The following MAPK4 variants were observed in gnomAD, a reference collection of about 807,000 sequenced individuals.
MAPK4 encodes Erk3-related.
In MAPK4, 22 loss-of-function variants were observed where a neutral mutation model predicts 47.7. The ratio of observed to expected loss-of-function variants is 0.46; its 90% confidence interval spans 0.33 to 0.66. The LOEUF is 0.66. MAPK4 is among the 30% of genes least tolerant of loss of function. The pLI is 0.02. For synonymous variants in MAPK4, 390 were observed against 365.7 expected (o/e 1.07, Z -0.76); for missense variants, 736 against 831.7 (o/e 0.88, Z 1.42).
At chr18:50,726,825 A>G (rs1911227451) in intron 5 of MAPK4, among the ~76,000 whole-genome samples, 1 of 151,412 alleles carries the variant, frequency 6.6e-6, no homozygotes, top group Non-Finnish European at 1.5e-5. Context: ...CCTTGAGCCC[A>G]GAAGTTTGAG....
chr18:50,571,752 A>G (rs117845501), intron 1 of MAPK4, among the ~76,000 whole-genome samples: 5,216 of 152,314 alleles, frequency 0.034, 120 homozygotes, highest in Non-Finnish European at 0.055. Context: ...AAGAGATAAT[A>G]TGCTGCCTTT....
At chr18:50,622,103 A>C (rs1231730795) in intron 1 of MAPK4, among the ~76,000 whole-genome samples, 4 of 152,206 alleles carry the variant, frequency 2.6e-5, no homozygotes, top group Non-Finnish European at 5.9e-5. Flanking sequence ...AACCATTGAG[A>C]GGACAAATCA....
intron 1 of MAPK4, among the ~76,000 whole-genome samples, chr18:50,655,522 G>T (rs1469004648): frequency 6.6e-6 from 1 of 152,132 alleles, no homozygotes; most frequent in Non-Finnish European, 1.5e-5. Context: ...GCATGCACAG[G>T]TCACTCCACA....
chr18:50,569,245 T>TTTCACATTATGATTTCA (rs2042229325), intron 1 of MAPK4, among the ~76,000 whole-genome samples: 1 of 152,256 alleles, frequency 6.6e-6, no homozygotes. Flanking sequence ...CAGTATGTGT[T>TTTCACATTATGATTTCA]TTATGTCATG....
At chr18:50,563,378 C>T (rs1273860537) in intron 1 of MAPK4, among the ~76,000 whole-genome samples, 1 of 152,190 alleles carries the variant, frequency 6.6e-6, no homozygotes, top group East Asian at 1.9e-4. Flanking sequence ...GATAGATCTT[C>T]CTCTGGAATA....
chr18:50,719,753 A>G (rs2144461460), intron 3 of MAPK4, among the ~76,000 whole-genome samples: 2 of 152,340 alleles, frequency 1.3e-5, no homozygotes, highest in Middle Eastern at 3.4e-3. Flanking sequence ...CAGGTGACTC[A>G]CTGAGAGCCC....
chr18:50,608,306 T>C (rs1378031639), intron 1 of MAPK4, among the ~76,000 whole-genome samples: 1 of 152,236 alleles, frequency 6.6e-6, no homozygotes, highest in African/African-American at 2.4e-5. Flanking sequence ...TGGAAGTAGA[T>C]AAGATGTCAA....
intron 1 of MAPK4, among the ~76,000 whole-genome samples, chr18:50,625,629 A>G (rs1463428836): frequency 6.6e-6 from 1 of 152,228 alleles, no homozygotes; most frequent in African/African-American, 2.4e-5. Flanking sequence ...AAAACAAAGT[A>G]TAAGGTCTGA....
chr18:50,592,191 G>A (rs1033370956), intron 1 of MAPK4, among the ~76,000 whole-genome samples: 4 of 152,248 alleles, frequency 2.6e-5, no homozygotes, highest in African/African-American at 4.8e-5. Flanking sequence ...AGAGGCTCAC[G>A]GAGGTTAAAG....
intron 2 of MAPK4, among the ~76,000 whole-genome samples, chr18:50,703,202 C>G (rs931422085): frequency 9.9e-5 from 15 of 152,146 alleles, no homozygotes; most frequent in African/African-American, 2.9e-4. Flanking sequence ...TTCTCCATCC[C>G]CACTGCCTGT....
At position 50,663,975 on chromosome 18, in the gene MAPK4, A is replaced by C. The variant is rs748473611; in HGVS notation, c.17A>C (p.Asp6Ala). ...GAGCCCACAATGGCTGAGAAGGGTG[A>C]CTGCATCGCCAGTGTCTATGGGTAT... MAEKG[D>A]CIASVYGYDL... Residue 6 changes from aspartate (D) to alanine (A), a missense_variant, in exon 2 of 6, where the codon GAC (aspartate) becomes GCC (alanine). Asp to Ala is a moderately radical substitution (Grantham distance 126). Transcript: ENST00000400384. The C allele has an allele frequency of 4.3e-6, 7 of 1,611,650 alleles. No homozygotes were observed. The Admixed American group carries it at 1.2e-4, about 27-fold the overall frequency.
intron 2 of MAPK4, among the ~76,000 whole-genome samples, chr18:50,665,118 A>G (rs1907523595): frequency 6.6e-6 from 1 of 152,216 alleles, no homozygotes; most frequent in African/African-American, 2.4e-5. Flanking sequence ...CATGGGTGGC[A>G]GACGGTACTA....
At chr18:50,669,566 A>G (rs898180620) in intron 2 of MAPK4, 1 of 152,256 alleles carries the variant, frequency 6.6e-6, no homozygotes, top group African/African-American at 2.4e-5. Context: ...CCACTACAAC[A>G]TTCAAGAACC....
chr18:50,709,941 T>A (rs1406153108), intron 2 of MAPK4, among the ~76,000 whole-genome samples: 2 of 151,990 alleles, frequency 1.3e-5, no homozygotes, highest in Non-Finnish European at 2.9e-5. Context: ...CAAGGGATGA[T>A]CTGAATCATT....
intron 1 of MAPK4, among the ~76,000 whole-genome samples, chr18:50,589,545 G>A (rs1469517096): frequency 6.8e-6 from 1 of 147,840 alleles, no homozygotes; most frequent in Non-Finnish European, 1.5e-5. Flanking sequence ...GCAGTGAGCC[G>A]AGATCGCGCC....
intron 1 of MAPK4, among the ~76,000 whole-genome samples, chr18:50,655,732 A>G (rs1313022984): frequency 6.6e-6 from 1 of 152,114 alleles, no homozygotes; most frequent in African/African-American, 2.4e-5. Context: ...ACCTCTGGTC[A>G]TTATGCTTTT....
rs115516509 is a variant in MAPK4 at position 50,659,795 on chromosome 18, C to T, written c.-870-3294C>T. Among the ~76,000 whole-genome samples, 406 of 152,332 alleles carry T rather than the reference C, an allele frequency of 2.7e-3. 4 individuals carry two copies. Among genetic ancestry groups the T allele is most frequent in the African/African-American group, 9.4e-3 (390 of 41,568 alleles). The stretch of plus-strand genomic sequence containing the variant: ...CCTCTTGCTGGGTGTCATTCAAGCA[C>T]GATTGAACGAGTGACCTTTCCATCT... On this transcript the variant is annotated intron_variant, in intron 1 of 5. Coordinates refer to ENST00000400384, the MANE Select transcript of MAPK4 (RefSeq NM_002747.4).
chr18:50,717,094 CTGA>C (rs1443402985), intron 3 of MAPK4, among the ~76,000 whole-genome samples: 1 of 152,174 alleles, frequency 6.6e-6, no homozygotes, highest in Admixed American at 6.5e-5. Context: ...GGCTGTGAGG[CTGA>C]TGTGACTCAC....
chr18:50,595,186 C>A (rs1200933949), intron 1 of MAPK4, among the ~76,000 whole-genome samples: 3 of 152,142 alleles, frequency 2.0e-5, no homozygotes, highest in Non-Finnish European at 4.4e-5. Flanking sequence ...ATGACCCAAC[C>A]AATTTACTCT....
Sources: gnomAD v4.1 joint callset for allele counts (sites outside exome capture counted in the v4.1 genomes callset) on GRCh38, gnomAD v4.1.1 for gene constraint, MANE v1.5 for transcripts, NCBI Gene and HGNC (gene_info 2026-07-23, HGNC 2026-07-21) for gene names.